Variants in TENM2 observed in about 807,000 individuals in gnomAD.
TENM2 encodes the protein teneurin transmembrane protein 2, also known as teneurin-2.
TENM2 carries 52 observed loss-of-function variants against 245.2 expected under a neutral mutation model. The observed-to-expected ratio is 0.21, with a 90% CI of 0.17 to 0.27. TENM2 has a LOEUF of 0.27. Among genes scored for constraint, TENM2 ranks in the 10% least tolerant of loss-of-function variants. The pLI, the probability that TENM2 is intolerant of heterozygous loss-of-function variation, is 1.00. For missense variants in TENM2, 3,046 were observed against 3,666.8 expected, an observed-to-expected ratio of 0.83 and a Z score of 4.37; for synonymous variants, 1,363 against 1,438.9, an observed-to-expected ratio of 0.95 and a Z score of 1.19.
At chr5:168,210,368 C>T (rs1420833914) in intron 19 of TENM2, among the ~76,000 whole-genome samples, 1 of 152,144 alleles carries the variant, frequency 6.6e-6, no homozygotes, top group Non-Finnish European at 1.5e-5. Flanking sequence ...GTCAGGCCTG[C>T]AGACCCAAAT....
At chr5:167,391,132 A>T (rs536351558) in intron 2 of TENM2, among the ~76,000 whole-genome samples, 1 of 152,288 alleles carries the variant, frequency 6.6e-6, no homozygotes, top group Admixed American at 6.5e-5. Flanking sequence ...CTATGAAATC[A>T]TTCTGTTTTC....
intron 2 of TENM2, among the ~76,000 whole-genome samples, chr5:167,462,176 C>T (rs888103352): frequency 1.5e-4 from 7 of 47,232 alleles, no homozygotes; most frequent in African/African-American, 5.0e-4. Context: ...AGTTCCCTGA[C>T]CCCCACCCCC....
chr5:167,652,892 C>A (rs1044517997), intron 2 of TENM2, among the ~76,000 whole-genome samples: 1 of 152,170 alleles, frequency 6.6e-6, no homozygotes, highest in African/African-American at 2.4e-5. Context: ...CAACTCTGAT[C>A]ATTTGATGTC....
intron 2 of TENM2, among the ~76,000 whole-genome samples, chr5:167,378,015 G>C (rs538985525): frequency 6.6e-6 from 1 of 151,792 alleles, no homozygotes; most frequent in Admixed American, 6.6e-5. Context: ...AAGATACATG[G>C]TCAGAAAATG....
chr5:168,200,190 C>T, intron 17 of TENM2, 59 bp downstream of exon 19: 1 of 1,502,502 alleles, frequency 6.7e-7, no homozygotes, highest in Non-Finnish European at 9.1e-7. Flanking sequence ...TTAATTCGAC[C>T]CATATTTATT....
chr5:167,493,292 A>T (rs1718705140), intron 2 of TENM2, among the ~76,000 whole-genome samples: 1 of 152,106 alleles, frequency 6.6e-6, no homozygotes, highest in African/African-American at 2.4e-5. Context: ...AAGAAAAGAA[A>T]AAAAAGAACA....
chr5:168,238,182 AGAGGGAGGGAGG>A lies in TENM2; in HGVS notation c.5521-6214_5521-6203del, dbSNP rs1191935029. ...AAGAGAGAGAGAGAGAGAGAGAGAG[AGAGGGAGGGAGG>A]GAGGGAGGGAGGGAGGGAGGGAGAG... On this transcript the variant is annotated intron_variant, in intron 25 of 28. Coordinates refer to ENST00000518659, the Ensembl canonical transcript of TENM2. 9.5e-4 allele frequency among the ~76,000 whole-genome samples: 42 copies of A among 44,142 alleles called. 1 individual carries two copies. The highest frequency in any genetic ancestry group is 2.1e-3 in the African/African-American group (9 of 4,222). The allele number at this position is 44,142 out of a possible 152,430, so 29.0% of individuals were successfully genotyped here.
chr5:167,256,639 A>T, the TENM2 span, among the ~76,000 whole-genome samples: 2 of 152,274 alleles, frequency 1.3e-5, no homozygotes, highest in African/African-American at 4.8e-5. Flanking sequence ...CAATGTCCCC[A>T]TTCCCTTTCT....
chr5:167,504,097 G>A (rs947083098), intron 2 of TENM2, among the ~76,000 whole-genome samples: 16 of 151,888 alleles, frequency 1.1e-4, no homozygotes, highest in African/African-American at 2.9e-4. Context: ...TATTTTTTGC[G>A]TGCCTAATAT....
chr5:167,736,553 T>A (rs1461162444), intron 2 of TENM2, among the ~76,000 whole-genome samples: 1 of 152,258 alleles, frequency 6.6e-6, no homozygotes, highest in East Asian at 1.9e-4. Flanking sequence ...GTTAAGGTAT[T>A]TAAGGTCTCA....
chr5:167,005,087 T>C, the TENM2 span, among the ~76,000 whole-genome samples: 1 of 152,162 alleles, frequency 6.6e-6, no homozygotes, highest in Non-Finnish European at 1.5e-5. Flanking sequence ...AAAAAGGACT[T>C]TTCCCCCCCA....
chr5:168,200,187 G>C (rs1048053316), intron 17 of TENM2, 56 bp downstream of exon 19: 1 of 1,517,512 alleles, frequency 6.6e-7, no homozygotes, highest in Non-Finnish European at 9.0e-7. Flanking sequence ...GTGTTAATTC[G>C]ACCCATATTT....
At chr5:167,045,704 G>C in the TENM2 span, among the ~76,000 whole-genome samples, 1 of 152,182 alleles carries the variant, frequency 6.6e-6, no homozygotes, top group Non-Finnish European at 1.5e-5. Flanking sequence ...TCACTCAACT[G>C]GTTTGCATTA....
intron 5 of TENM2, among the ~76,000 whole-genome samples, chr5:168,006,854 T>C (rs1784860212): frequency 1.3e-5 from 2 of 152,186 alleles, no homozygotes; most frequent in South Asian, 2.1e-4. Flanking sequence ...CTACACACTT[T>C]CCCTTAAACT....
chr5:167,673,874 G>C (rs1582715251), intron 2 of TENM2, among the ~76,000 whole-genome samples: 1 of 152,030 alleles, frequency 6.6e-6, no homozygotes, highest in Middle Eastern at 3.4e-3. Flanking sequence ...GTGTGCTCTT[G>C]GGGCTACTGC....
At chr5:167,365,597 A>G (rs1290913400) in intron 1 of TENM2, among the ~76,000 whole-genome samples, 1 of 152,014 alleles carries the variant, frequency 6.6e-6, no homozygotes, top group Non-Finnish European at 1.5e-5. Flanking sequence ...ATATTAAAAA[A>G]AGTCATAAAT....
At chr5:167,206,707 T>C in the TENM2 span, among the ~76,000 whole-genome samples, 2 of 152,214 alleles carry the variant, frequency 1.3e-5, no homozygotes, top group Non-Finnish European at 2.9e-5. Context: ...GGTTTGGATA[T>C]ATTTTTAAAT....
At chr5:167,568,764 A>C (rs1442574596) in intron 2 of TENM2, among the ~76,000 whole-genome samples, 1 of 152,098 alleles carries the variant, frequency 6.6e-6, no homozygotes, top group Non-Finnish European at 1.5e-5. Flanking sequence ...TGTACACAGA[A>C]AAACATCACA....
intron 7 of TENM2, among the ~76,000 whole-genome samples, chr5:168,065,028 A>G (rs952871771): frequency 6.6e-6 from 1 of 152,122 alleles, no homozygotes; most frequent in African/African-American, 2.4e-5. Flanking sequence ...AGAATTTCTC[A>G]TTTTTATTGG....
Sources: allele counts gnomAD v4.1 joint callset (sites outside exome capture counted in the v4.1 genomes callset), GRCh38; gene constraint gnomAD v4.1.1; transcripts MANE v1.5; gene names NCBI Gene and HGNC (gene_info 2026-07-23, HGNC 2026-07-21).